PRR16: variants seen among roughly 807,000 people sequenced by gnomAD.
The protein encoded by PRR16 is proline rich 16.
In PRR16, 6 loss-of-function variants were observed where a neutral mutation model predicts 18.2. The observed-to-expected ratio is 0.33, with a 90% confidence interval of 0.18 to 0.65. PRR16 has a LOEUF of 0.65. Among genes scored for constraint, PRR16 ranks in the 30% least tolerant of loss-of-function variants. PRR16 has a pLI of 0.74. For missense variants in PRR16, 412 were observed against 376.6 expected (o/e 1.09, Z -0.78); for synonymous variants, 151 against 147.8 (o/e 1.02, Z -0.16).
the PRR16 span, among the ~76,000 whole-genome samples, chr5:120,726,469 C>A: frequency 6.6e-6 from 1 of 151,882 alleles, no homozygotes; most frequent in East Asian, 1.9e-4. Flanking sequence ...ATTTAAGAAT[C>A]ATATATTAAC....
At chr5:120,485,991 A>G (rs955575234) in intron 1 of PRR16, among the ~76,000 whole-genome samples, 6 of 152,148 alleles carry the variant, frequency 3.9e-5, no homozygotes, top group Non-Finnish European at 8.8e-5. Flanking sequence ...ATCATTTCTT[A>G]TGGCTGCATA....
At chr5:120,476,992 A>G (rs1315178451) in intron 1 of PRR16, among the ~76,000 whole-genome samples, 1 of 152,168 alleles carries the variant, frequency 6.6e-6, no homozygotes, top group Non-Finnish European at 1.5e-5. Context: ...GGCCTAATCT[A>G]GCAGCAGTTG....
the PRR16 span, among the ~76,000 whole-genome samples, chr5:120,718,433 AATTGCTAAGTC>A: frequency 6.6e-6 from 1 of 152,120 alleles, no homozygotes; most frequent in Admixed American, 6.6e-5. Flanking sequence ...CTCCCTTGAC[AATTGCTAAGTC>A]ATTGCCCCTG....
the PRR16 span, among the ~76,000 whole-genome samples, chr5:120,740,495 G>GTAC: frequency 6.6e-6 from 1 of 152,054 alleles, no homozygotes; most frequent in East Asian, 1.9e-4. Context: ...CTTTAGTACT[G>GTAC]TACTGTACTG....
chr5:120,499,596 C>T (rs997426538), intron 1 of PRR16, among the ~76,000 whole-genome samples: 10 of 152,080 alleles, frequency 6.6e-5, no homozygotes, highest in African/African-American at 2.2e-4. Flanking sequence ...CTATAACTTA[C>T]ATTTGACTCC....
chr5:120,758,897 C>G, the PRR16 span, among the ~76,000 whole-genome samples: 1 of 150,688 alleles, frequency 6.6e-6, no homozygotes, highest in African/African-American at 2.4e-5. Context: ...AGCATATTTC[C>G]TTTTGAACAT....
intron 1 of PRR16, among the ~76,000 whole-genome samples, chr5:120,500,318 T>C (rs1199870344): frequency 1.3e-5 from 2 of 152,206 alleles, no homozygotes; most frequent in Admixed American, 6.5e-5. Context: ...TCTCTTTTTT[T>C]TGGCTGGGGA....
At chr5:120,641,842 A>G (rs970699640) in intron 1 of PRR16, among the ~76,000 whole-genome samples, 1 of 152,106 alleles carries the variant, frequency 6.6e-6, no homozygotes, top group Non-Finnish European at 1.5e-5. Flanking sequence ...CATCTTTTGC[A>G]TGTAGATATT....
chr5:120,765,974 A>G, the PRR16 span, among the ~76,000 whole-genome samples: 3 of 151,812 alleles, frequency 2.0e-5, no homozygotes, highest in African/African-American at 7.2e-5. Flanking sequence ...TGTTATGGAA[A>G]CATACCACAA....
rs144414276 is a variant in PRR16 at position 120,476,912 on chromosome 5, A to G, written c.159+12267A>G. Among the ~76,000 whole-genome samples the G allele has an allele frequency of 4.8e-3, 729 of 152,176 alleles. 4 individuals carry two copies. Among genetic ancestry groups the G allele is most frequent in the African/African-American group, 0.017 (693 of 41,506 alleles). ...ATCCAGTCATATCTGTACTCTCACTACCATACCAAAACTGCCTCTATCACG... is the reference window on the plus strand; with the variant it reads ...ATCCAGTCATATCTGTACTCTCACTGCCATACCAAAACTGCCTCTATCACG... On this transcript the variant is annotated intron_variant, in intron 1 of 1. Coordinates refer to ENST00000407149, the MANE Select transcript of PRR16 (RefSeq NM_001300783.2).
At chr5:120,496,113 A>G (rs1750236550) in intron 1 of PRR16, among the ~76,000 whole-genome samples, 1 of 152,072 alleles carries the variant, frequency 6.6e-6, no homozygotes, top group African/African-American at 2.4e-5. Flanking sequence ...TGATTAAAAA[A>G]GTATTACATC....
At chr5:120,635,323 A>G (rs774694211) in intron 1 of PRR16, among the ~76,000 whole-genome samples, 2 of 152,132 alleles carry the variant, frequency 1.3e-5, no homozygotes, top group Non-Finnish European at 2.9e-5. Flanking sequence ...AAAAGGAAGG[A>G]AAACTACTGA....
At chr5:120,545,529 T>C (rs1344668502) in intron 1 of PRR16, among the ~76,000 whole-genome samples, 1 of 152,082 alleles carries the variant, frequency 6.6e-6, no homozygotes. Context: ...TTACATTTAC[T>C]GATAAAAATT....
chr5:120,691,597 C>A (rs1456176643), downstream of PRR16, among the ~76,000 whole-genome samples: 5 of 152,130 alleles, frequency 3.3e-5, no homozygotes, highest in Non-Finnish European at 7.4e-5. Flanking sequence ...ATCTATTTAA[C>A]ATTGACCCCT....
At chr5:120,649,485 A>G (rs1755704366) in intron 1 of PRR16, among the ~76,000 whole-genome samples, 1 of 152,134 alleles carries the variant, frequency 6.6e-6, no homozygotes, top group Non-Finnish European at 1.5e-5. Flanking sequence ...AGGGTTTATG[A>G]GTTATCTGGC....
At chr5:120,475,859 T>G (rs1263510663) in intron 1 of PRR16, among the ~76,000 whole-genome samples, 1 of 152,252 alleles carries the variant, frequency 6.6e-6, no homozygotes, top group African/African-American at 2.4e-5. Context: ...TCTTGGAACT[T>G]ATATTTTAGT....
At chr5:120,705,159 C>T in the PRR16 span, among the ~76,000 whole-genome samples, 1 of 151,694 alleles carries the variant, frequency 6.6e-6, no homozygotes, top group African/African-American at 2.4e-5. Context: ...AAGAATATTG[C>T]TTAGGTATCA....
intron 1 of PRR16, among the ~76,000 whole-genome samples, chr5:120,610,591 A>T (rs1322978559): frequency 6.6e-6 from 1 of 151,960 alleles, no homozygotes; most frequent in Non-Finnish European, 1.5e-5. Context: ...AGATCACGAG[A>T]TCTAATAGGT....
the PRR16 span, among the ~76,000 whole-genome samples, chr5:120,751,775 C>G: frequency 6.6e-6 from 1 of 152,062 alleles, no homozygotes; most frequent in Non-Finnish European, 1.5e-5. Flanking sequence ...TCTCATTTCA[C>G]TATCAGGACA....
Sources: allele counts gnomAD v4.1 joint callset (sites outside exome capture counted in the v4.1 genomes callset), GRCh38; gene constraint gnomAD v4.1.1; transcripts MANE v1.5; gene names NCBI Gene and HGNC (gene_info 2026-07-23, HGNC 2026-07-21).